SPAG16: variants seen among roughly 807,000 people sequenced by gnomAD.
The protein encoded by SPAG16 is sperm associated antigen 16, also known as sperm-associated antigen 16 protein.
In SPAG16, 86 loss-of-function variants were observed where a neutral mutation model predicts 80.4. The ratio of observed to expected loss-of-function variants is 1.07; its 90% CI spans 0.90 to 1.28. SPAG16 has a LOEUF of 1.28. Among genes scored for constraint, SPAG16 ranks in the 50% most tolerant of loss-of-function variants. SPAG16 has a pLI of 0.00. For missense variants in SPAG16, 870 were observed against 765.3 expected (o/e 1.14, Z -1.61); for synonymous variants, 294 against 265.9 (o/e 1.11, Z -1.03).
chr2:213,380,341 G>A (rs1272786279), intron 9 of SPAG16, among the ~76,000 whole-genome samples: 2 of 152,150 alleles, frequency 1.3e-5, no homozygotes, highest in African/African-American at 4.8e-5. Context: ...TATGAATCAG[G>A]CCCTAGTCTT....
chr2:213,540,975 G>T (rs1289029815), intron 10 of SPAG16, among the ~76,000 whole-genome samples: 13 of 152,258 alleles, frequency 8.5e-5, no homozygotes. Context: ...GTGTGTGCGT[G>T]TGCACGCAGG....
At chr2:214,104,072 A>G (rs745331304) in intron 13 of SPAG16, among the ~76,000 whole-genome samples, 1 of 152,166 alleles carries the variant, frequency 6.6e-6, no homozygotes, top group East Asian at 1.9e-4. Context: ...TTGGATGTGA[A>G]AGAATGCCTC....
At chr2:213,293,444 G>T (rs1218790544) in intron 1 of SPAG16, among the ~76,000 whole-genome samples, 1 of 152,206 alleles carries the variant, frequency 6.6e-6, no homozygotes, top group Non-Finnish European at 1.5e-5. Context: ...TGTGACTTCT[G>T]ATGTTTGGTT....
intron 9 of SPAG16, among the ~76,000 whole-genome samples, chr2:213,470,405 C>A (rs1418713237): frequency 6.6e-6 from 1 of 152,154 alleles, no homozygotes; most frequent in Non-Finnish European, 1.5e-5. Flanking sequence ...GTAGTCTTGG[C>A]AGGAGCATTG....
intron 12 of SPAG16, among the ~76,000 whole-genome samples, chr2:213,948,455 C>A (rs1344118456): frequency 6.6e-6 from 1 of 152,030 alleles, no homozygotes; most frequent in Non-Finnish European, 1.5e-5. Flanking sequence ...TTTAAAAATT[C>A]TCTCTCTCAC....
intron 10 of SPAG16, among the ~76,000 whole-genome samples, chr2:213,834,106 G>C (rs2073951383): frequency 6.6e-6 from 1 of 152,020 alleles, no homozygotes; most frequent in Non-Finnish European, 1.5e-5. Flanking sequence ...CTTCTTCCTT[G>C]TTTTCTCTTG....
intron 10 of SPAG16, among the ~76,000 whole-genome samples, chr2:213,520,750 C>T (rs1460366576): frequency 6.6e-6 from 1 of 152,164 alleles, no homozygotes; most frequent in Non-Finnish European, 1.5e-5. Flanking sequence ...ACAAGTTTTG[C>T]TTTTATTGTT....
Position 214,356,314 on chromosome 2 carries a change from G to A in SPAG16, c.1721-53826G>A, listed in dbSNP as rs1260926389. ...GTCCTTTTGATCAATGTCAGAAATT[G>A]TGGGGAAAAAATGAGAAAAACATTT... is the stretch of plus-strand genomic sequence containing the variant. On this transcript the variant is annotated intron_variant, in intron 15 of 15. Transcript: ENST00000331683. 2.6e-5 allele frequency among the ~76,000 whole-genome samples: 4 copies of A among 151,912 alleles called. No homozygotes were observed. The East Asian group carries it at 7.7e-4, about 29-fold the overall frequency.
At chr2:214,103,647 A>G (rs1032056098) in intron 13 of SPAG16, among the ~76,000 whole-genome samples, 1 of 152,168 alleles carries the variant, frequency 6.6e-6, no homozygotes, top group Non-Finnish European at 1.5e-5. Flanking sequence ...AGAAAACAGG[A>G]AGGCCAGTGT....
In SPAG16 at chr2:213,407,780, CAG is replaced by C. The variant is rs549540704; in HGVS notation, c.942+32666_942+32667del. Among the ~76,000 whole-genome samples, 13 of 93,072 alleles carry C rather than the reference CAG, an allele frequency of 1.4e-4. No homozygotes were observed. In the South Asian group the frequency reaches 3.6e-3, roughly 26 times the overall value. 61.1% of individuals were successfully genotyped at this position (93,072 alleles called of 152,430 possible). On this transcript the variant is annotated intron_variant, in intron 9 of 15. Transcript: ENST00000331683. Reference sequence around the variant, plus strand: ...GAGACAGGAGAGAGGCAGAGAGAGACAGAGAGGAAGAGAGACAGGAGAGGCAG... The same window carrying C: ...GAGACAGGAGAGAGGCAGAGAGAGACAGAGGAAGAGAGACAGGAGAGGCAG...
At position 214,246,066 on chromosome 2, in the gene SPAG16, A is replaced by G. The variant is rs149842691; in HGVS notation, c.1720+96800A>G. On this transcript the variant is annotated intron_variant, in intron 15 of 15. Coordinates refer to ENST00000331683, the MANE Select transcript of SPAG16 (RefSeq NM_024532.5). ...TTGGTATGCTTGGAAATTCCCAAGG[A>G]TACAACTTATATTAACTGTTTCTAG... 1.1e-4 allele frequency among the ~76,000 whole-genome samples: 16 copies of G among 152,188 alleles called. No individual in the cohort carries two copies. The East Asian group carries it at 2.5e-3, about 24-fold the overall frequency.
intron 10 of SPAG16, among the ~76,000 whole-genome samples, chr2:213,519,069 G>A (rs1399660036): frequency 2.0e-5 from 3 of 152,120 alleles, no homozygotes; most frequent in South Asian, 2.1e-4. Flanking sequence ...GTGGACTACC[G>A]GTGGGGGGTT....
At chr2:213,877,227 C>T (rs753385590) in intron 11 of SPAG16, among the ~76,000 whole-genome samples, 3 of 152,060 alleles carry the variant, frequency 2.0e-5, no homozygotes, top group Non-Finnish European at 4.4e-5. Flanking sequence ...TTTCCCCAAC[C>T]CTTAAATTAT....
intron 14 of SPAG16, among the ~76,000 whole-genome samples, chr2:214,122,708 A>G (rs780645670): frequency 4.0e-5 from 6 of 151,868 alleles, no homozygotes; most frequent in South Asian, 2.1e-4. Flanking sequence ...CTTGATGTCA[A>G]CTACCATTTA....
intron 12 of SPAG16, among the ~76,000 whole-genome samples, chr2:213,932,151 T>C (rs1246840712): frequency 3.2e-4 from 1 of 3,170 alleles, no homozygotes; most frequent in Non-Finnish European, 9.3e-4. Context: ...ATACTGCATA[T>C]ATATATATAT....
In SPAG16 at chr2:213,500,757, G is replaced by A. The variant is rs113100482; in HGVS notation, c.1070+10667G>A. On this transcript the variant is annotated intron_variant, in intron 10 of 15. Coordinates refer to ENST00000331683, the MANE Select transcript of SPAG16 (RefSeq NM_024532.5). ...GAGTCCAGCTGTCATATTTGAGAGC[G>A]GAGATAAACTAGTTTGCATTTACCC... is the stretch of plus-strand genomic sequence containing the variant. Among the ~76,000 whole-genome samples, 124 of 152,288 alleles carry A rather than the reference G, an allele frequency of 8.1e-4. 2 individuals are homozygous for A. The highest frequency in any genetic ancestry group is 3.4e-3 in the Middle Eastern group (1 of 294).
intron 10 of SPAG16, among the ~76,000 whole-genome samples, chr2:213,587,710 C>T (rs2060521234): frequency 6.6e-6 from 1 of 151,058 alleles, no homozygotes; most frequent in Admixed American, 6.6e-5. Context: ...TGCTTTCCTT[C>T]AGATTAAAAT....
intron 10 of SPAG16, among the ~76,000 whole-genome samples, chr2:213,689,826 G>A (rs533800432): frequency 5.3e-5 from 8 of 152,186 alleles, no homozygotes; most frequent in Non-Finnish European, 1.2e-4. Context: ...TCTTTAGTGT[G>A]CACTTTACTA....
chr2:214,103,618 G>A (rs1021149910), intron 13 of SPAG16, among the ~76,000 whole-genome samples: 3 of 152,130 alleles, frequency 2.0e-5, no homozygotes, highest in Admixed American at 2.0e-4. Flanking sequence ...GCACAAAGGC[G>A]GGAGCATTCC....
Sources: allele counts gnomAD v4.1 joint callset (sites outside exome capture counted in the v4.1 genomes callset), GRCh38; gene constraint gnomAD v4.1.1; transcripts MANE v1.5; gene names NCBI Gene and HGNC (gene_info 2026-07-23, HGNC 2026-07-21).